The following GPR158 variants were observed in gnomAD, a reference collection of about 807,000 sequenced individuals.
The protein encoded by GPR158 is G protein-coupled receptor 158, also known as metabotropic glycine receptor.
GPR158 carries 30 observed loss-of-function variants against 78.2 expected under a neutral mutation model. The ratio of observed to expected loss-of-function variants is 0.38; its 90% CI spans 0.29 to 0.52. The LOEUF (loss-of-function observed/expected upper bound fraction) is 0.52, where lower values mean the gene tolerates loss of function less well. Among genes scored for constraint, GPR158 ranks in the 20% least tolerant of loss-of-function variants. The probability of loss-of-function intolerance (pLI) is 0.83; values close to 1 mark genes in which losing one functional copy is unlikely to be tolerated. For synonymous variants in GPR158, 581 were observed against 591.1 expected, an observed-to-expected ratio of 0.98 and a Z score of 0.25; for missense variants, 1,463 against 1,523.5, an observed-to-expected ratio of 0.96 and a Z score of 0.66.
At chr10:25,491,992 A>G (rs1351270712) in intron 5 of GPR158, among the ~76,000 whole-genome samples, 2 of 152,162 alleles carry the variant, frequency 1.3e-5, no homozygotes, top group East Asian at 1.9e-4. Context: ...AAAGAGGTGT[A>G]TTTGGCTCAT....
intron 1 of GPR158, among the ~76,000 whole-genome samples, chr10:25,209,914 T>G (rs947367209): frequency 6.6e-6 from 1 of 152,248 alleles, no homozygotes; most frequent in African/African-American, 2.4e-5. Context: ...CTTGGTGCTC[T>G]TGTACTTTTT....
rs895022265 is a variant in GPR158, at chr10:25,206,757, G to T, written c.903-14295G>T. 2.0e-5 allele frequency among the ~76,000 whole-genome samples: 3 copies of T among 152,034 alleles called. 1 individual carries two copies. The highest frequency in any genetic ancestry group is 2.0e-4 in the Admixed American group (3 of 15,258). ...GTATTCAAGGTTTACTAGACATGCA[G>T]CTTTGATTTCTGATGGTTAAATAAT... is the stretch of plus-strand genomic sequence containing the variant. On this transcript the variant is annotated intron_variant, in intron 1 of 10. Transcript: ENST00000376351.
At chr10:25,529,457 A>G (rs1184824116) in intron 5 of GPR158, among the ~76,000 whole-genome samples, 6 of 152,194 alleles carry the variant, frequency 3.9e-5, no homozygotes, top group South Asian at 2.1e-4. Context: ...TGGAATTCAT[A>G]GAAAGACTTC....
intron 2 of GPR158, among the ~76,000 whole-genome samples, chr10:25,283,016 C>A (rs934753821): frequency 2.0e-5 from 3 of 151,914 alleles, no homozygotes; most frequent in African/African-American, 7.3e-5. Flanking sequence ...ATAATGCTGA[C>A]CTCATAAAAT....
intron 2 of GPR158, among the ~76,000 whole-genome samples, chr10:25,296,142 A>G (rs925692417): frequency 1.3e-5 from 2 of 151,950 alleles, no homozygotes; most frequent in African/African-American, 4.8e-5. Flanking sequence ...GAACACAAAT[A>G]ACGTCAGAGA....
chr10:25,208,572 G>A (rs1456170711), intron 1 of GPR158, among the ~76,000 whole-genome samples: 1 of 148,062 alleles, frequency 6.8e-6, no homozygotes, highest in Non-Finnish European at 1.5e-5. Context: ...GTGTGTGTGT[G>A]TGTGTGTGTG....
chr10:25,547,262 A>T (rs1836673675), intron 5 of GPR158, among the ~76,000 whole-genome samples: 2 of 152,064 alleles, frequency 1.3e-5, no homozygotes, highest in African/African-American at 4.8e-5. Flanking sequence ...TGGTGCACAC[A>T]CTGCTGACCT....
At chr10:25,464,350 C>T (rs1284107399) in intron 4 of GPR158, among the ~76,000 whole-genome samples, 1 of 152,116 alleles carries the variant, frequency 6.6e-6, no homozygotes, top group Non-Finnish European at 1.5e-5. Flanking sequence ...GGGAAGGTCC[C>T]CCACTCGAGG....
intron 1 of GPR158, among the ~76,000 whole-genome samples, chr10:25,206,447 T>A (rs1216584350): frequency 6.6e-6 from 1 of 152,160 alleles, no homozygotes; most frequent in African/African-American, 2.4e-5. Context: ...AGTTTTAAAG[T>A]TTAACTTTTT....
intron 2 of GPR158, among the ~76,000 whole-genome samples, chr10:25,301,161 T>TA (rs1854588141): frequency 6.6e-6 from 1 of 152,222 alleles, no homozygotes; most frequent in Non-Finnish European, 1.5e-5. Flanking sequence ...AATGTTTATA[T>TA]ATCTATGAAA....
At chr10:25,583,633 G>A (rs1459570377) in intron 7 of GPR158, among the ~76,000 whole-genome samples, 2 of 150,736 alleles carry the variant, frequency 1.3e-5, no homozygotes, top group Admixed American at 6.6e-5. Context: ...AACAAAATGA[G>A]TTATCCTGGG....
At chr10:25,585,443 T>A (rs1177455845) in intron 7 of GPR158, among the ~76,000 whole-genome samples, 1 of 152,206 alleles carries the variant, frequency 6.6e-6, no homozygotes, top group East Asian at 1.9e-4. Context: ...CATGAACAAT[T>A]TTCTTCTAAT....
chr10:25,475,985 A>G (rs1835578621), intron 5 of GPR158: 2 of 152,186 alleles, frequency 1.3e-5, no homozygotes, highest in Non-Finnish European at 2.9e-5. Context: ...ATCTTAGACT[A>G]CAGACGATTT....
rs146953175 is a variant in GPR158, at chr10:25,467,062, A to G, written c.1404+343A>G. Among the ~76,000 whole-genome samples the G allele has an allele frequency of 1.7e-4, 26 of 152,234 alleles. No homozygotes were observed. In the East Asian group the frequency reaches 4.8e-3, roughly 28 times the overall value. On this transcript the variant is annotated intron_variant, in intron 5 of 10. Coordinates refer to ENST00000376351, the MANE Select transcript of GPR158 (RefSeq NM_020752.3). ...GGTGGTTGGGGTGCAGCGTGGTTTTATACATTTTAGGGAGGCATGAGACTT... is the reference window on the plus strand; with the variant it reads ...GGTGGTTGGGGTGCAGCGTGGTTTTGTACATTTTAGGGAGGCATGAGACTT...
chr10:25,274,850 C>A (rs1157658958), intron 2 of GPR158, among the ~76,000 whole-genome samples: 1 of 152,142 alleles, frequency 6.6e-6, no homozygotes, highest in Non-Finnish European at 1.5e-5. Context: ...AATTTCTCTT[C>A]ATCATCAGTA....
At chr10:25,347,032 A>G (rs554192892) in intron 2 of GPR158, among the ~76,000 whole-genome samples, 3 of 151,840 alleles carry the variant, frequency 2.0e-5, no homozygotes, top group Non-Finnish European at 4.4e-5. Context: ...ATGGGATTGC[A>G]TTGAGGATTA....
chr10:25,555,115 G>A (rs1192261331), intron 6 of GPR158, among the ~76,000 whole-genome samples: 1 of 152,060 alleles, frequency 6.6e-6, no homozygotes, highest in Non-Finnish European at 1.5e-5. Flanking sequence ...AAAGAAAGAG[G>A]TTATTGTAGC....
chr10:25,411,933 CAAAAAAAAAAAAAAAAAA>C (rs1164005677), intron 3 of GPR158, among the ~76,000 whole-genome samples: 110 of 47,484 alleles, frequency 2.3e-3, no homozygotes, highest in Admixed American at 4.5e-3. Flanking sequence ...GACTCTATCA[CAAAAAAAAAAAAAAAAAA>C]AAAAAAAAAA....
chr10:25,598,285 T>G lies in GPR158; in HGVS notation c.2659T>G (p.Ser887Ala). 1 of 1,613,874 alleles carries G rather than the reference T, an allele frequency of 6.2e-7. No homozygotes were observed. Among genetic ancestry groups the G allele is most frequent in the Non-Finnish European group, 8.5e-7 (1 of 1,179,978 alleles). ...GTCAGCAAGCGCTCACAACCTCAGC[T>G]CAGAGAAGAAAACTGGGCACCCACG... ...CKSASAHNLSSEKKTGHPRTS... is the reference protein window; with the variant it reads ...CKSASAHNLSAEKKTGHPRTS... Residue 887 changes from serine to alanine, a missense_variant, in exon 11 of 11, where the codon TCA becomes GCA. Transcript: ENST00000376351.
Sources: gnomAD v4.1 joint callset for allele counts (sites outside exome capture counted in the v4.1 genomes callset) on GRCh38, gnomAD v4.1.1 for gene constraint, MANE v1.5 for transcripts, NCBI Gene and HGNC (gene_info 2026-07-23, HGNC 2026-07-21) for gene names.